SYBU: variants seen among roughly 807,000 people sequenced by gnomAD.
SYBU encodes syntabulin.
Under a neutral mutation model 35.9 loss-of-function variants are expected in SYBU, and 21 were observed. The observed-to-expected ratio is 0.58, with a 90% CI of 0.41 to 0.84. The LOEUF (loss-of-function observed/expected upper bound fraction) is 0.84. Ranked by LOEUF, SYBU falls within the 40% of genes least tolerant of loss-of-function variation. SYBU has a pLI of 0.00. For synonymous variants in SYBU, 319 were observed against 324.3 expected (o/e 0.98, Z 0.18); for missense variants, 768 against 848.2 (o/e 0.91, Z 1.17).
upstream of SYBU, chr8:109,645,648 C>CTTTTTTTTTTTTTTTTTT (rs1815615372): frequency 3.9e-6 from 1 of 258,834 alleles, no homozygotes; most frequent in African/African-American, 4.1e-5. Context: ...TTTTTTTTTC[C>CTTTTTTTTTTTTTTTTTT]GTTGCTGTTG....
chr8:109,588,834 T>C (rs920046762), intron 3 of SYBU, among the ~76,000 whole-genome samples: 1 of 152,122 alleles, frequency 6.6e-6, no homozygotes, highest in Non-Finnish European at 1.5e-5. Context: ...TTTGGGGTTA[T>C]TAAAATCACG....
chr8:109,653,916 T>C (rs939417484), intron 1 of SYBU, among the ~76,000 whole-genome samples: 8 of 152,178 alleles, frequency 5.3e-5, no homozygotes, highest in African/African-American at 1.9e-4. Flanking sequence ...ATCCCATTCT[T>C]TCCCATCTCT....
intron 3 of SYBU, among the ~76,000 whole-genome samples, chr8:109,596,447 T>C (rs1824888005): frequency 1.3e-5 from 2 of 152,230 alleles, no homozygotes; most frequent in Non-Finnish European, 2.9e-5. Context: ...CTAACTTACA[T>C]GCATTTATGT....
At chr8:109,681,790 T>G (rs749762370), upstream of SYBU, among the ~76,000 whole-genome samples, 4 of 152,144 alleles carry the variant, frequency 2.6e-5, no homozygotes, top group Non-Finnish European at 4.4e-5. Context: ...CCAAATCTCA[T>G]CTTGAATTGT....
In SYBU at chr8:109,575,849, T is replaced by G; in HGVS notation, c.1049A>C (p.Asp350Ala). The change falls in exon 7 of 7, where the codon GAT becomes GCT. Residue 350 changes from aspartate (D) to alanine (A), a missense_variant. Asp to Ala is a moderately radical substitution (Grantham distance 126). Transcript: ENST00000276646. ...ATATTTCTGAATGCCTTTATCTTTA[T>G]CAGCCAAGCTGCTCCGCATGGTTTC... ...VIETMRSSLA[D>A]KDKGIQKYFV... is the part of the protein sequence containing the mutation. The G allele has an allele frequency of 6.2e-7, 1 of 1,614,062 alleles. No homozygotes were observed. Among genetic ancestry groups the G allele is most frequent in the Non-Finnish European group, 8.5e-7 (1 of 1,179,998 alleles).
chr8:109,613,661 T>C (rs993393297), intron 3 of SYBU, among the ~76,000 whole-genome samples: 1 of 152,154 alleles, frequency 6.6e-6, no homozygotes, highest in African/African-American at 2.4e-5. Context: ...ATTACAAGAA[T>C]GGCCTACTCT....
Position 109,575,477 on chromosome 8 carries a change from A to C in SYBU, c.1421T>G (p.Val474Gly), listed in dbSNP as rs1822152169. The stretch of plus-strand genomic sequence containing the variant: ...CACACTGCCCTCCTCCTGACCCATG[A>C]CTATGGGCAGCAGCTCCAGGACGTT... ...GANVLELLPI[V>G]MGQEEGSVVV... The change falls in exon 7 of 7, where the codon GTC becomes GGC. Residue 474 changes from valine (V) to glycine (G), a missense_variant. Physicochemically the swap from Val to Gly is moderately radical, Grantham distance 109. Coordinates refer to ENST00000276646, the MANE Select transcript of SYBU (RefSeq NM_001099754.2). 3.7e-6 allele frequency: 6 copies of C among 1,613,938 alleles called. No individual in the cohort carries two copies. The highest frequency in any genetic ancestry group is 5.1e-6 in the Non-Finnish European group (6 of 1,180,012).
At chr8:109,601,792 A>AATAT (rs762391886) in intron 3 of SYBU, among the ~76,000 whole-genome samples, 30 of 152,358 alleles carry the variant, frequency 2.0e-4, no homozygotes, top group Non-Finnish European at 3.7e-4. Flanking sequence ...GTATGGCTAG[A>AATAT]ATATAGTGAT....
chr8:109,593,813 G>T (rs1303370669), intron 3 of SYBU, among the ~76,000 whole-genome samples: 2 of 152,186 alleles, frequency 1.3e-5, no homozygotes, highest in Non-Finnish European at 2.9e-5. Context: ...CCAGTGGCAG[G>T]CATGTCCAAC....
At chr8:109,650,874 T>C (rs546260461) in intron 1 of SYBU, among the ~76,000 whole-genome samples, 1 of 152,360 alleles carries the variant, frequency 6.6e-6, no homozygotes, top group South Asian at 2.1e-4. Flanking sequence ...AGAAAAAAGA[T>C]ACTCATTATC....
chr8:109,597,335 A>G (rs1824998244), intron 3 of SYBU, among the ~76,000 whole-genome samples: 1 of 152,080 alleles, frequency 6.6e-6, no homozygotes, highest in Non-Finnish European at 1.5e-5. Flanking sequence ...TCCTAATTCC[A>G]AGGCCTAATT....
chr8:109,641,535 T>C (rs1287313371), intron 2 of SYBU, among the ~76,000 whole-genome samples: 2 of 152,238 alleles, frequency 1.3e-5, no homozygotes, highest in East Asian at 3.8e-4. Flanking sequence ...GGGCCAGGGA[T>C]TCCAGCCCTT....
At chr8:109,586,791 C>T (rs980378254) in intron 3 of SYBU, among the ~76,000 whole-genome samples, 1 of 152,108 alleles carries the variant, frequency 6.6e-6, no homozygotes, top group Admixed American at 6.5e-5. Context: ...CTGTAAATTA[C>T]ACTGAAATTT....
chr8:109,585,953 T>A (rs2129695698), intron 4 of SYBU, 107 bp downstream of exon 4: 1 of 743,088 alleles, frequency 1.3e-6, no homozygotes, highest in South Asian at 1.8e-5. Flanking sequence ...CCTCACTGAA[T>A]AATAAAATAT....
chr8:109,620,797 C>T (rs758459746), intron 2 of SYBU, among the ~76,000 whole-genome samples: 28 of 152,110 alleles, frequency 1.8e-4, no homozygotes, highest in Non-Finnish European at 2.9e-4. Flanking sequence ...ATTCACTGCC[C>T]TTGCCTTTCC....
intron 3 of SYBU, among the ~76,000 whole-genome samples, chr8:109,612,323 T>G (rs751614855): frequency 5.3e-5 from 8 of 152,218 alleles, no homozygotes; most frequent in Non-Finnish European, 8.8e-5. Context: ...CACAGTTACA[T>G]CTAATGTATC....
chr8:109,588,612 T>A (rs569024226), intron 3 of SYBU, among the ~76,000 whole-genome samples: 1 of 152,194 alleles, frequency 6.6e-6, no homozygotes, highest in African/African-American at 2.4e-5. Context: ...TTTTAAGGGA[T>A]ACACAGGAAA....
chr8:109,591,506 A>ATTT (rs1047402673), intron 3 of SYBU, among the ~76,000 whole-genome samples: 4,026 of 100,734 alleles, frequency 0.04, 363 homozygotes, highest in African/African-American at 0.13. Context: ...AAAAATGTAA[A>ATTT]TTTTTTTTTT....
intron 6 of SYBU, 76 bp from the exon 7 acceptor site, chr8:109,576,089 G>A (rs2131176870): frequency 7.0e-7 from 1 of 1,421,914 alleles, no homozygotes; most frequent in East Asian, 2.5e-5. Context: ...TGGGCAACAG[G>A]CAGTTCAGGC....
Sources: allele counts gnomAD v4.1 joint callset (sites outside exome capture counted in the v4.1 genomes callset), GRCh38; gene constraint gnomAD v4.1.1; transcripts MANE v1.5; gene names NCBI Gene and HGNC (gene_info 2026-07-23, HGNC 2026-07-21).